The following DENND4C variants were observed in gnomAD, a reference collection of about 807,000 sequenced individuals.
DENND4C encodes DENN domain containing 4C, also known as DENN domain-containing protein 4C.
In DENND4C, 108 loss-of-function variants were observed where a neutral mutation model predicts 203.0. That is an observed-to-expected ratio of 0.53 (90% CI 0.46 to 0.62). The LOEUF (loss-of-function observed/expected upper bound fraction) is 0.62. DENND4C is among the 20% of genes least tolerant of loss of function. The probability of loss-of-function intolerance (pLI) is 0.00; values close to 1 mark genes in which losing one functional copy is unlikely to be tolerated. For synonymous variants in DENND4C, 871 were observed against 792.4 expected (o/e 1.10, Z -1.67); for missense variants, 2,481 against 2,301.2 (o/e 1.08, Z -1.60).
At chr9:19,359,595 G>A (rs1826044285) in intron 28 of DENND4C, among the ~76,000 whole-genome samples, 1 of 151,664 alleles carries the variant, frequency 6.6e-6, no homozygotes, top group Non-Finnish European at 1.5e-5. Flanking sequence ...AGAATCAGCT[G>A]TTTCTCTAAG....
chr9:19,240,148 G>A (rs1481866737), intron 1 of DENND4C, among the ~76,000 whole-genome samples: 1 of 152,044 alleles, frequency 6.6e-6, no homozygotes, highest in Non-Finnish European at 1.5e-5. Flanking sequence ...ACATTCTGAG[G>A]AATGCATCAT....
intron 1 of DENND4C, among the ~76,000 whole-genome samples, chr9:19,266,425 G>A (rs1409228277): frequency 6.6e-6 from 1 of 152,132 alleles, no homozygotes; most frequent in Non-Finnish European, 1.5e-5. Context: ...TCAATCTGAT[G>A]GTAGTTTCTT....
At chr9:19,342,890 GC>G in intron 22 of DENND4C, 111 bp downstream of exon 22, 1 of 863,818 alleles carries the variant, frequency 1.2e-6, no homozygotes, top group Non-Finnish European at 1.6e-6. Flanking sequence ...ATGCTAAAGA[GC>G]CAGAAGGGAC....
At chr9:19,371,288 C>T (rs1282980936) in intron 31 of DENND4C, 1 of 153,638 alleles carries the variant, frequency 6.5e-6, no homozygotes, top group Non-Finnish European at 1.4e-5. Context: ...AGAGACCACA[C>T]CACCTTTTAC....
chr9:19,293,968 C>T (rs542077600), intron 5 of DENND4C, among the ~76,000 whole-genome samples: 1 of 152,172 alleles, frequency 6.6e-6, no homozygotes, highest in South Asian at 2.1e-4. Flanking sequence ...AAGTTTCTAC[C>T]TTGGGAATTG....
chr9:19,254,440 T>G (rs540834446), intron 1 of DENND4C, among the ~76,000 whole-genome samples: 299 of 152,310 alleles, frequency 2.0e-3, no homozygotes, highest in Non-Finnish European at 3.6e-3. Flanking sequence ...TTGGTGACAT[T>G]ATGGATGAAA....
intron 1 of DENND4C, among the ~76,000 whole-genome samples, chr9:19,232,164 G>A (rs1820742197): frequency 6.6e-6 from 1 of 152,172 alleles, no homozygotes; most frequent in Non-Finnish European, 1.5e-5. Context: ...TTAAAGAGTT[G>A]GTAAACTGCC....
intron 1 of DENND4C, among the ~76,000 whole-genome samples, chr9:19,231,896 G>T (rs1224841965): frequency 6.6e-6 from 1 of 152,000 alleles, no homozygotes; most frequent in Non-Finnish European, 1.5e-5. Context: ...TTTCCCTTCC[G>T]GTCTGTGTAT....
At chr9:19,321,700 C>T (rs1189042254) in intron 12 of DENND4C, among the ~76,000 whole-genome samples, 5 of 151,606 alleles carry the variant, frequency 3.3e-5, no homozygotes, top group African/African-American at 1.2e-4. Context: ...CAAAAATTAG[C>T]GCATGCCTGT....
At chr9:19,291,027 C>A in intron 5 of DENND4C, 151 bp downstream of exon 5, 1 of 770,382 alleles carries the variant, frequency 1.3e-6, no homozygotes, top group Non-Finnish European at 2.0e-6. Context: ...GAGAAATCAA[C>A]ATGAAAATTG....
intron 13 of DENND4C, 67 bp from the exon 14 acceptor site, chr9:19,325,872 A>G (rs1199225397): frequency 3.1e-5 from 46 of 1,466,556 alleles, no homozygotes; most frequent in Admixed American, 6.0e-5. Context: ...ATCAGAATGT[A>G]AGATAAAAAT....
intron 10 of DENND4C, among the ~76,000 whole-genome samples, chr9:19,308,698 A>C (rs1840169152): frequency 6.6e-6 from 1 of 152,068 alleles, no homozygotes; most frequent in Admixed American, 6.6e-5. Context: ...TTTATGGAGT[A>C]CTGTTTTTGG....
chr9:19,317,038 GAAACT>G (rs1401284053), intron 12 of DENND4C, among the ~76,000 whole-genome samples, 199 bp downstream of exon 12: 1 of 151,994 alleles, frequency 6.6e-6, no homozygotes, highest in Non-Finnish European at 1.5e-5. Context: ...TGAGAAATCT[GAAACT>G]AGAGATATTT....
At chr9:19,285,094 CAA>C (rs1055593116) in intron 2 of DENND4C, among the ~76,000 whole-genome samples, 3 of 151,918 alleles carry the variant, frequency 2.0e-5, no homozygotes, top group African/African-American at 4.8e-5. Flanking sequence ...TATTTTTTTC[CAA>C]ATAACAATCC....
chr9:19,310,480 A>C (rs1461704567), intron 10 of DENND4C, among the ~76,000 whole-genome samples: 2 of 152,246 alleles, frequency 1.3e-5, no homozygotes. Flanking sequence ...TCCATGATGC[A>C]ACAGCACATT....
intron 8 of DENND4C, among the ~76,000 whole-genome samples, chr9:19,299,618 T>C (rs114719666): frequency 0.015 from 2,352 of 152,272 alleles, 70 homozygotes; most frequent in African/African-American, 0.054. Flanking sequence ...CTCAAATCCT[T>C]TTACTTCTTT....
intron 10 of DENND4C, among the ~76,000 whole-genome samples, chr9:19,307,206 C>T (rs950416673): frequency 5.3e-5 from 8 of 151,408 alleles, no homozygotes; most frequent in Non-Finnish European, 1.2e-4. Context: ...AAGGCCAGCC[C>T]GGGCAACTTG....
intron 22 of DENND4C, 136 bp from the exon 23 acceptor site, chr9:19,345,781 ACTTT>A (rs1822755250): frequency 1.3e-6 from 1 of 787,272 alleles, no homozygotes; most frequent in Admixed American, 3.5e-5. Context: ...TTTTTTTTAT[ACTTT>A]CTTTATGGCC....
At chr9:19,278,095 A>C (rs1588823751) in intron 2 of DENND4C, among the ~76,000 whole-genome samples, 1 of 128,248 alleles carries the variant, frequency 7.8e-6, no homozygotes, top group African/African-American at 2.9e-5. Context: ...TTTTTTGAAC[A>C]CTTGGTTGCT....
Sources: gnomAD v4.1 joint callset for allele counts (sites outside exome capture counted in the v4.1 genomes callset) on GRCh38, gnomAD v4.1.1 for gene constraint, MANE v1.5 for transcripts, NCBI Gene and HGNC (gene_info 2026-07-23, HGNC 2026-07-21) for gene names.